HIVEP2: variants seen among roughly 807,000 people sequenced by gnomAD.
HIVEP2 encodes HIVEP zinc finger 2, also known as transcription factor HIVEP2.
Under a neutral mutation model 180.7 loss-of-function variants are expected in HIVEP2, and 14 were observed. That is an observed-to-expected ratio of 0.08 (90% CI 0.05 to 0.12). HIVEP2 has a LOEUF of 0.12. HIVEP2 is among the 10% of genes least tolerant of loss of function. The pLI is 1.00. For synonymous variants in HIVEP2, 1,184 were observed against 1,136.4 expected (o/e 1.04, Z -0.84); for missense variants, 2,579 against 3,008.5 (o/e 0.86, Z 3.34).
intron 3 of HIVEP2, among the ~76,000 whole-genome samples, chr6:142,777,968 G>A (rs544633284): frequency 6.6e-6 from 1 of 152,262 alleles, no homozygotes; most frequent in East Asian, 1.9e-4. Context: ...TTTGAGAGGG[G>A]AAAAGCACCC....
chr6:142,859,535 C>T (rs1775913489), intron 1 of HIVEP2, among the ~76,000 whole-genome samples: 1 of 150,480 alleles, frequency 6.6e-6, no homozygotes, highest in African/African-American at 2.4e-5. Flanking sequence ...GAAATAAAAA[C>T]TTAAAACGAT....
chr6:142,763,866 G>A (rs1038286003), intron 7 of HIVEP2, among the ~76,000 whole-genome samples: 2 of 152,182 alleles, frequency 1.3e-5, no homozygotes, highest in African/African-American at 4.8e-5. Context: ...CAGATATGTT[G>A]AGAGGCTACC....
At chr6:142,839,272 C>A (rs967656273) in intron 1 of HIVEP2, among the ~76,000 whole-genome samples, 1 of 152,026 alleles carries the variant, frequency 6.6e-6, no homozygotes, top group Non-Finnish European at 1.5e-5. Flanking sequence ...AATCGCTACA[C>A]CATACAGCAG....
At chr6:142,824,049 G>A (rs549368573) in intron 2 of HIVEP2, among the ~76,000 whole-genome samples, 5 of 151,874 alleles carry the variant, frequency 3.3e-5, no homozygotes, top group Admixed American at 3.3e-4. Context: ...CATATATGAT[G>A]AAAATATACT....
At chr6:142,821,980 G>A (rs1777054111) in intron 2 of HIVEP2, among the ~76,000 whole-genome samples, 1 of 152,188 alleles carries the variant, frequency 6.6e-6, no homozygotes, top group South Asian at 2.1e-4. Context: ...ACAGAAGCTG[G>A]CTTGGACTTC....
chr6:142,840,447 A>G (rs922048099), intron 1 of HIVEP2, among the ~76,000 whole-genome samples: 1 of 152,060 alleles, frequency 6.6e-6, no homozygotes, highest in African/African-American at 2.4e-5. Flanking sequence ...GAAAAACACC[A>G]TTTATCCCAT....
chr6:142,850,581 C>T (rs1269266344), intron 1 of HIVEP2, among the ~76,000 whole-genome samples: 1 of 152,198 alleles, frequency 6.6e-6, no homozygotes, highest in African/African-American at 2.4e-5. Flanking sequence ...ATAATAACAA[C>T]TTCCACTGAA....
At chr6:142,875,725 G>GCACC (rs1776418590) in intron 1 of HIVEP2, among the ~76,000 whole-genome samples, 1 of 152,156 alleles carries the variant, frequency 6.6e-6, no homozygotes, top group Non-Finnish European at 1.5e-5. Flanking sequence ...TTGATTTAGT[G>GCACC]AAACATGGTT....
chr6:142,840,900 A>G (rs143052166), intron 1 of HIVEP2, among the ~76,000 whole-genome samples: 44 of 152,208 alleles, frequency 2.9e-4, no homozygotes, highest in African/African-American at 1.0e-3. Flanking sequence ...CTTCCTCACC[A>G]TTGCATGTAA....
At chr6:142,812,053 T>C (rs1425883364) in intron 2 of HIVEP2, among the ~76,000 whole-genome samples, 1 of 152,202 alleles carries the variant, frequency 6.6e-6, no homozygotes, top group African/African-American at 2.4e-5. Context: ...GTTCAGGCCA[T>C]GGCCTAGGAA....
intron 1 of HIVEP2, among the ~76,000 whole-genome samples, chr6:142,911,139 T>TAAAAAAAAAAAAAAAAAAAAAAAAATAA (rs5880554): frequency 9.4e-6 from 1 of 106,224 alleles, no homozygotes; most frequent in East Asian, 2.6e-4. Flanking sequence ...ACAAACACAT[T>TAAAAAAAAAAAAAAAAAAAAAAAAATAA]AAAAAAAAAA....
intron 1 of HIVEP2, among the ~76,000 whole-genome samples, chr6:142,935,860 T>C (rs1375038069): frequency 6.6e-6 from 1 of 152,196 alleles, no homozygotes; most frequent in Admixed American, 6.5e-5. Flanking sequence ...AAAAGATGAA[T>C]AATTCACTTA....
chr6:142,785,309 C>CAAAAAAAAAAAAAAA (rs57458259), intron 2 of HIVEP2, among the ~76,000 whole-genome samples: 7 of 65,392 alleles, frequency 1.1e-4, no homozygotes, highest in Admixed American at 2.6e-4. Flanking sequence ...TGGCATTCCT[C>CAAAAAAAAAAAAAAA]AAAAAAAAAA....
intron 1 of HIVEP2, among the ~76,000 whole-genome samples, chr6:142,846,012 A>G (rs1562262018): frequency 6.6e-6 from 1 of 152,254 alleles, no homozygotes; most frequent in Non-Finnish European, 1.5e-5. Flanking sequence ...CAGACAGGAC[A>G]TCCCTCCTGG....
chr6:142,908,925 AC>A (rs2064285876), intron 1 of HIVEP2, among the ~76,000 whole-genome samples: 1 of 151,928 alleles, frequency 6.6e-6, no homozygotes, highest in African/African-American at 2.4e-5. Flanking sequence ...GAAACAAAGT[AC>A]AAAGGAACCA....
At position 142,769,688 on chromosome 6, in the gene HIVEP2, C is replaced by A. The variant is rs1419907145; in HGVS notation, c.5051G>T (p.Gly1684Val). 1 of 1,614,164 alleles carries A rather than the reference C, an allele frequency of 6.2e-7. No homozygotes were observed. Among genetic ancestry groups the A allele is most frequent in the Non-Finnish European group, 8.5e-7 (1 of 1,180,028 alleles). ...CISSCNPNPS[G>V]LNTKTTLALL... is the part of the protein sequence containing the mutation. ...AGCCAGCGTGGTCTTGGTGTTCAAT[C>A]CTGATGGGTTTGGATTACAGGAACT... The change falls in exon 5 of 10, where the codon GGA becomes GTA. Residue 1684 changes from glycine to valine, a missense_variant. Around this residue, in one of 11 missense-constraint regions of HIVEP2, gnomAD observed 349 missense variants for 367.2 expected, o/e 0.95. Transcript: ENST00000367603.
intron 1 of HIVEP2, among the ~76,000 whole-genome samples, chr6:142,906,486 T>A (rs1376328533): frequency 6.6e-6 from 1 of 151,798 alleles, no homozygotes; most frequent in African/African-American, 2.4e-5. Flanking sequence ...ATTATTAAAA[T>A]GCAAACCAAA....
chr6:142,766,713 T>A (rs1051574450), intron 6 of HIVEP2, among the ~76,000 whole-genome samples: 1 of 152,182 alleles, frequency 6.6e-6, no homozygotes, highest in Admixed American at 6.5e-5. Flanking sequence ...CTGGTATAAA[T>A]AATATATCAT....
At chr6:142,846,366 T>A (rs907201535) in intron 1 of HIVEP2, among the ~76,000 whole-genome samples, 2 of 152,208 alleles carry the variant, frequency 1.3e-5, no homozygotes, top group South Asian at 2.1e-4. Context: ...TGCACTCTGG[T>A]CCTTCCCGGC....
Sources: allele counts gnomAD v4.1 joint callset (sites outside exome capture counted in the v4.1 genomes callset), GRCh38; gene constraint gnomAD v4.1.1; regional missense constraint gnomAD v4.1.1; transcripts MANE v1.5; gene names NCBI Gene and HGNC (gene_info 2026-07-23, HGNC 2026-07-21).